Variants in XYLT2 observed in about 807,000 individuals in gnomAD.
XYLT2 encodes the protein xylosyltransferase 2, also known as UDP-D-xylose:proteoglycan core protein beta-D-xylosyltransferase.
XYLT2 carries 37 observed loss-of-function variants against 82.6 expected under a neutral mutation model. The observed-to-expected ratio is 0.45, with a 90% CI of 0.34 to 0.59. XYLT2 has a LOEUF of 0.59. Among genes scored for constraint, XYLT2 ranks in the 20% least tolerant of loss-of-function variants. XYLT2 has a pLI of 0.01. For synonymous variants in XYLT2, 474 were observed against 499.0 expected, an observed-to-expected ratio of 0.95 and a Z score of 0.67; for missense variants, 934 against 1,181.3, an observed-to-expected ratio of 0.79 and a Z score of 3.07.
At chr17:50,353,382 T>C (rs1912349836) in intron 1 of XYLT2, among the ~76,000 whole-genome samples, 2 of 152,158 alleles carry the variant, frequency 1.3e-5, no homozygotes, top group Non-Finnish European at 2.9e-5. Context: ...TGCCATGTAA[T>C]CTGAGAGCCA....
intron 8 of XYLT2, 134 bp downstream of exon 8, chr17:50,356,907 C>G (rs772051883): frequency 4.0e-4 from 591 of 1,472,884 alleles, no homozygotes; most frequent in South Asian, 6.1e-4. Flanking sequence ...ACCGAAAAGA[C>G]GGCTAGAGCC....
intron 1 of XYLT2, among the ~76,000 whole-genome samples, chr17:50,351,371 T>C (rs979386640): frequency 6.6e-6 from 1 of 152,118 alleles, no homozygotes; most frequent in Non-Finnish European, 1.5e-5. Context: ...GCGCAGTGGC[T>C]CACATCTGTA....
In XYLT2 at chr17:50,355,073, C is replaced by T. The variant is rs774856254; in HGVS notation, c.1007+17C>T. ...TCCAACCAGGTGTGGGGATGGGGCT[C>T]TGAGTCCTCTGCATGGGAGGGGACC... On this transcript the variant is annotated intron_variant, in intron 4 of 10. Coordinates refer to ENST00000017003, the MANE Select transcript of XYLT2 (RefSeq NM_022167.4). The T allele has an allele frequency of 6.6e-7, 1 of 1,522,958 alleles. No individual in the cohort carries two copies. The highest frequency in any genetic ancestry group is 2.2e-5 in the Admixed American group (1 of 45,384). 94.3% of individuals were successfully genotyped at this position (1,522,958 alleles called of 1,614,324 possible). A position where few individuals can be genotyped will look rare whatever the true frequency, so the allele number is the denominator to read the frequency against.
intron 5 of XYLT2, 77 bp downstream of exon 5, chr17:50,355,658 C>T (rs1246373710): frequency 6.3e-7 from 1 of 1,594,652 alleles, no homozygotes; most frequent in Admixed American, 1.7e-5. Flanking sequence ...TCGGTGGCTC[C>T]AGCCCTGGGT....
rs147520833 is a variant in XYLT2, at chr17:50,359,763, G to A, written c.2276-206G>A. Reference sequence around the variant, plus strand: ...ACTGCTTTACTGCATCCTAAAGTTGGGAATCTAAGGCTTACTGCCTTGATT... The same window carrying A: ...ACTGCTTTACTGCATCCTAAAGTTGAGAATCTAAGGCTTACTGCCTTGATT... On this transcript the variant is annotated intron_variant, in intron 10 of 10. Transcript: ENST00000017003. The A allele has an allele frequency of 1.2e-4, 72 of 581,276 alleles. No individual in the cohort carries two copies. In the East Asian group the frequency reaches 2.1e-3, roughly 17 times the overall value. 36.0% of individuals were successfully genotyped at this position (581,276 alleles called of 1,614,324 possible).
At chr17:50,352,230 T>TG (rs1483244938) in intron 1 of XYLT2, among the ~76,000 whole-genome samples, 1 of 152,114 alleles carries the variant, frequency 6.6e-6, no homozygotes, top group Non-Finnish European at 1.5e-5. Flanking sequence ...TCCTTACAGC[T>TG]GGGGGAGCAT....
chr17:50,347,464 G>A (rs1037257993), intron 1 of XYLT2, among the ~76,000 whole-genome samples: 17 of 152,184 alleles, frequency 1.1e-4, no homozygotes, highest in Admixed American at 6.5e-4. Flanking sequence ...AGGAGGTGGG[G>A]GCGGGGGTGG....
chr17:50,357,932 T>A (rs1330689634), intron 9 of XYLT2: 1 of 437,614 alleles, frequency 2.3e-6, no homozygotes, highest in Non-Finnish European at 4.1e-6. Flanking sequence ...GAATGGTCTC[T>A]GGGCAGGACT....
At chr17:50,351,879 T>C (rs1466426370) in intron 1 of XYLT2, among the ~76,000 whole-genome samples, 2 of 152,032 alleles carry the variant, frequency 1.3e-5, no homozygotes, top group African/African-American at 4.8e-5. Flanking sequence ...AGATTTGGGA[T>C]GGAGTTCAGA....
chr17:50,349,666 T>C (rs144497910), intron 1 of XYLT2, among the ~76,000 whole-genome samples: 9 of 152,290 alleles, frequency 5.9e-5, no homozygotes, highest in East Asian at 1.9e-4. Context: ...GGCTCTGGCC[T>C]GAAGGTAGCT....
At position 50,360,329 on chromosome 17, in the gene XYLT2, T is replaced by C. The variant is rs762131406; in HGVS notation, c.*38T>C. 5 of 1,525,974 alleles carry C rather than the reference T, an allele frequency of 3.3e-6. No individual in the cohort carries two copies. Among genetic ancestry groups the C allele is most frequent in the African/African-American group, 1.4e-5 (1 of 72,376 alleles). The allele number at this position is 1,525,974 out of a possible 1,614,324, so 94.5% of individuals were successfully genotyped here. ...CAGTACCCGTGGAGGACCCGGGAAA[T>C]TGCACCTTACAGACAGTGGAGGGGT... On this transcript the variant is annotated 3_prime_UTR_variant, in exon 11 of 11. Transcript: ENST00000017003.
Position 50,354,552 on chromosome 17 carries a change from A to C in XYLT2, c.773A>C (p.Glu258Ala), listed in dbSNP as rs770897347. 6.2e-7 allele frequency: 1 copy of C among 1,611,874 alleles called. No homozygotes were observed. Among genetic ancestry groups the C allele is most frequent in the Non-Finnish European group, 8.5e-7 (1 of 1,179,088 alleles). ...LKRLLKAVYH[E>A]QHFFYIHVDK... The stretch of plus-strand genomic sequence containing the variant: ...CGTCTCCTCAAGGCCGTTTATCACG[A>C]GCAGCACTTCTTTTACATCCATGTG... Residue 258 changes from glutamate (E) to alanine (A), a missense_variant, in exon 3 of 11, where the codon GAG becomes GCG. By Grantham distance (107) the Glu-to-Ala change is moderately radical (BLOSUM62 -1). Around this residue, in one of 3 missense-constraint regions of XYLT2, gnomAD observed 371 missense variants for 394.9 expected, o/e 0.94. Transcript: ENST00000017003.
intron 7 of XYLT2, 98 bp downstream of exon 7, chr17:50,356,359 C>T (rs2143227585): frequency 6.4e-7 from 1 of 1,553,902 alleles, no homozygotes. Context: ...TCTGGGGGGC[C>T]ACGGCCTGCA....
In XYLT2 at chr17:50,346,736, G is replaced by A. The variant is rs1041452039; in HGVS notation, c.135+461G>A. On this transcript the variant is annotated intron_variant, in intron 1 of 10. Transcript: ENST00000017003. The surrounding 1 kb of genome is among the most constrained non-coding windows in gnomAD (Gnocchi z 5.1). ...AGGGCGTCCTTCCCCAGCTGAGCCC[G>A]AGGGGCAGCGGCCGGTGAGGAAGGG... 19 of 985,418 alleles carry A rather than the reference G, an allele frequency of 1.9e-5. No homozygotes were observed. In the African/African-American group the frequency reaches 3.0e-4, roughly 15 times the overall value. The allele number at this position is 985,418 out of a possible 1,614,324, so 61.0% of individuals were successfully genotyped here.
In XYLT2 at chr17:50,360,579, T is replaced by TTTTTC. The variant is rs1555596898; in HGVS notation, c.*292_*293insCTTTT. 1.2e-5 allele frequency: 14 copies of TTTTTC among 1,167,990 alleles called. No individual in the cohort carries two copies. The highest frequency in any genetic ancestry group is 1.5e-5 in the Non-Finnish European group (14 of 946,146). 72.4% of individuals were successfully genotyped at this position (1,167,990 alleles called of 1,614,324 possible). On this transcript the variant is annotated 3_prime_UTR_variant, in exon 11 of 11. Coordinates refer to ENST00000017003, the MANE Select transcript of XYLT2 (RefSeq NM_022167.4). ...TTGAATTTCTTTTTTTTCTTTTTTT[T>TTTTTC]TTTTTTTTTTTAATTTAAAAAGGAA...
At chr17:50,352,319 G>T (rs555000516) in intron 1 of XYLT2, among the ~76,000 whole-genome samples, 2 of 152,342 alleles carry the variant, frequency 1.3e-5, no homozygotes, top group African/African-American at 4.8e-5. Context: ...TGTTCACATG[G>T]TGGCCCCTGT....
chr17:50,347,357 G>A (rs1912086243), intron 1 of XYLT2, among the ~76,000 whole-genome samples: 1 of 152,226 alleles, frequency 6.6e-6, no homozygotes, highest in African/African-American at 2.4e-5. Flanking sequence ...GCCTGGTGTG[G>A]AGACAGAAGA....
rs1261042245 is a variant in XYLT2 at position 50,357,370 on chromosome 17, G to A, written c.1941+118G>A. 4 of 1,043,732 alleles carry A rather than the reference G, an allele frequency of 3.8e-6. No individual in the cohort carries two copies. The African/African-American group carries it at 4.8e-5, about 13-fold the overall frequency. 64.7% of individuals were successfully genotyped at this position (1,043,732 alleles called of 1,614,324 possible). On this transcript the variant is annotated intron_variant, in intron 9 of 10. Transcript: ENST00000017003. Reference sequence around the variant, plus strand: ...TATTTTTCCCAGTCATGGCAGCCATGGTGATGCCCCCATGCAGACATCCTG... The same window carrying A: ...TATTTTTCCCAGTCATGGCAGCCATAGTGATGCCCCCATGCAGACATCCTG...
At chr17:50,355,612 CAG>C (rs1912486635) in intron 5 of XYLT2, 31 bp downstream of exon 5, 1 of 1,613,064 alleles carries the variant, frequency 6.2e-7, no homozygotes, top group Admixed American at 1.7e-5. Flanking sequence ...GCCCTGGCCC[CAG>C]AGTCTTGTCC....
Sources: gnomAD v4.1 joint callset for allele counts (sites outside exome capture counted in the v4.1 genomes callset) on GRCh38, gnomAD v4.1.1 for gene constraint, gnomAD v4.1.1 regional missense constraint, Gnocchi (gnomAD v3.1) non-coding constraint, MANE v1.5 for transcripts, NCBI Gene and HGNC (gene_info 2026-07-23, HGNC 2026-07-21) for gene names.